The following TRIOBP variants were observed in gnomAD, a reference collection of about 807,000 sequenced individuals.
TRIOBP encodes the protein TRIO and F-actin-binding protein.
Under a neutral mutation model 238.8 loss-of-function variants are expected in TRIOBP, and 169 were observed. That is an observed-to-expected ratio of 0.71 (90% CI 0.62 to 0.80). The LOEUF (loss-of-function observed/expected upper bound fraction) is 0.80. Among genes scored for constraint, TRIOBP ranks in the 30% least tolerant of loss-of-function variants. The pLI is 0.00. For synonymous variants in TRIOBP, 1,150 were observed against 1,274.4 expected (o/e 0.90, Z 2.08); for missense variants, 2,838 against 3,122.6 (o/e 0.91, Z 2.17).
rs1306020818 is a variant in TRIOBP at position 37,725,121 on chromosome 22, GTCCTTT to G, written c.2572_2577del (p.Ser858_Phe859del). The G allele has an allele frequency of 6.2e-7, 1 of 1,613,956 alleles. No individual in the cohort carries two copies. The highest frequency in any genetic ancestry group is 1.3e-5 in the African/African-American group (1 of 74,866). ...CTTGTACACAGCGGGACCGCACACA[GTCCTTT>G]TCCTTTCAACGAGACAACCCTGGAA... On this transcript the variant is annotated inframe_deletion, in exon 7 of 24. Transcript: ENST00000644935.
intron 9 of TRIOBP, among the ~76,000 whole-genome samples, chr22:37,736,895 G>A (rs1036762486): frequency 6.6e-6 from 1 of 152,202 alleles, no homozygotes; most frequent in African/African-American, 2.4e-5. Context: ...CCAAAGTGCC[G>A]GGATTACAGG....
intron 7 of TRIOBP, among the ~76,000 whole-genome samples, chr22:37,732,123 G>C (rs1924452365): frequency 6.6e-6 from 1 of 152,214 alleles, no homozygotes; most frequent in Non-Finnish European, 1.5e-5. Context: ...AAACATTCAT[G>C]GAGTGGTTGG....
chr22:37,743,545 C>A (rs903985162), intron 11 of TRIOBP, among the ~76,000 whole-genome samples: 1 of 152,168 alleles, frequency 6.6e-6, no homozygotes, highest in Admixed American at 6.5e-5. Flanking sequence ...AGGCCCTAGG[C>A]TGGTTTCCAA....
At chr22:37,770,244 T>C (rs1926699582) in intron 21 of TRIOBP, among the ~76,000 whole-genome samples, 2 of 147,794 alleles carry the variant, frequency 1.4e-5, no homozygotes. Flanking sequence ...AAGACCATCC[T>C]GGCTAACACA....
At chr22:37,700,312 G>A (rs971780407) in intron 2 of TRIOBP, among the ~76,000 whole-genome samples, 2 of 149,820 alleles carry the variant, frequency 1.3e-5, no homozygotes, top group African/African-American at 2.5e-5. Context: ...TGTTGCCTAG[G>A]CTGGAGTGCT....
At chr22:37,756,835 A>G (rs539735259) in intron 15 of TRIOBP, among the ~76,000 whole-genome samples, 2 of 152,360 alleles carry the variant, frequency 1.3e-5, no homozygotes, top group African/African-American at 4.8e-5. Flanking sequence ...AGTCTCTGCA[A>G]CTTGTGTTCT....
At chr22:37,700,050 T>C (rs1922564980) in intron 2 of TRIOBP, among the ~76,000 whole-genome samples, 1 of 151,678 alleles carries the variant, frequency 6.6e-6, no homozygotes, top group East Asian at 2.0e-4. Flanking sequence ...AGCTAATTTT[T>C]GTATTTAGTA....
In TRIOBP at chr22:37,734,560, G is replaced by T; in HGVS notation, c.4224G>T (p.Arg1408=). The change falls in exon 9 of 24, where the codon CGG becomes CGT. Residue 1408 remains arginine (R), a synonymous_variant. Coordinates refer to ENST00000644935, the MANE Select transcript of TRIOBP (RefSeq NM_001039141.3). The part of the protein sequence containing the change: ...TSARTPEREL[R]TQRPLESGQA... ...CCAGGACCCCTGAGAGGGAGCTGCG[G>T]ACACAGAGACCTCTGGAGAGTGGCC... 1 of 1,589,040 alleles carries T rather than the reference G, an allele frequency of 6.3e-7. No homozygotes were observed. The highest frequency in any genetic ancestry group is 8.6e-7 in the Non-Finnish European group (1 of 1,168,006).
intron 3 of TRIOBP, among the ~76,000 whole-genome samples, chr22:37,707,998 G>A (rs1158792225): frequency 6.7e-6 from 1 of 150,264 alleles, no homozygotes; most frequent in African/African-American, 2.5e-5. Flanking sequence ...TGTAATCCCA[G>A]CACTTTGGGA....
chr22:37,708,959 C>T (rs569857903), intron 3 of TRIOBP, among the ~76,000 whole-genome samples: 104 of 152,266 alleles, frequency 6.8e-4, no homozygotes, highest in African/African-American at 2.0e-3. Flanking sequence ...CTGGGCCTGG[C>T]GGGGCAGAGA....
chr22:37,762,946 G>C (rs1163709601), intron 17 of TRIOBP, among the ~76,000 whole-genome samples: 1 of 152,142 alleles, frequency 6.6e-6, no homozygotes, highest in Non-Finnish European at 1.5e-5. Flanking sequence ...TTGCAGTGGG[G>C]ACAGAGGCAT....
intron 17 of TRIOBP, among the ~76,000 whole-genome samples, chr22:37,760,913 A>G (rs559485647): frequency 6.6e-6 from 1 of 151,720 alleles, no homozygotes; most frequent in East Asian, 1.9e-4. Flanking sequence ...CGCAGGTTGC[A>G]GTGAGCCGAG....
At position 37,769,148 on chromosome 22, in the gene TRIOBP, C is replaced by T; in HGVS notation, c.6696C>T (p.Arg2232=). The T allele has an allele frequency of 6.2e-7, 1 of 1,612,106 alleles. No individual in the cohort carries two copies. Among genetic ancestry groups the T allele is most frequent in the Non-Finnish European group, 8.5e-7 (1 of 1,179,520 alleles). The change falls in exon 20 of 24, where the codon CGC becomes CGT. Residue 2232 remains arginine, a synonymous_variant. Transcript: ENST00000644935. ...QAEEREHTLR[R]CQQEGQELLR... ...AGGAGCGCGAGCACACGCTGCGCCG[C>T]TGCCAGCAGGAGGGCCAGGAGCTGC...
In TRIOBP at chr22:37,734,689, G is replaced by A. The variant is rs1924578941; in HGVS notation, c.4353G>A (p.Glu1451=). Residue 1451 remains glutamate, a synonymous_variant, in exon 9 of 24, where the codon GAG becomes GAA. Coordinates refer to ENST00000644935, the MANE Select transcript of TRIOBP (RefSeq NM_001039141.3). ...RHLERSWSSQ[E]GGLGPGGWWG... is the part of the protein sequence containing the mutation. ...TAGAAAGGAGCTGGAGCAGCCAGGA[G>A]GGAGGCCTGGGCCCTGGGGGCTGGT... 1.2e-6 allele frequency: 2 copies of A among 1,605,576 alleles called. No homozygotes were observed. Among genetic ancestry groups the A allele is most frequent in the Admixed American group, 1.7e-5 (1 of 58,470 alleles).
At chr22:37,702,410 G>T (rs1004281039) in intron 3 of TRIOBP, among the ~76,000 whole-genome samples, 1 of 151,676 alleles carries the variant, frequency 6.6e-6, no homozygotes, top group East Asian at 2.0e-4. Flanking sequence ...CGCCATATTG[G>T]CCAGGCTGGT....
chr22:37,751,364 T>C, intron 11 of TRIOBP: 1 of 338,492 alleles, frequency 3.0e-6, no homozygotes, highest in South Asian at 2.4e-5. Context: ...TTGGTCCTCG[T>C]CAGAGGGAGG....
At chr22:37,750,415 C>G (rs779144672) in intron 11 of TRIOBP, among the ~76,000 whole-genome samples, 1 of 152,208 alleles carries the variant, frequency 6.6e-6, no homozygotes, top group Non-Finnish European at 1.5e-5. Flanking sequence ...TTTTCCTGAG[C>G]CTTGCTGTGG....
intron 11 of TRIOBP, among the ~76,000 whole-genome samples, chr22:37,750,152 CAGAG>C (rs200857041): frequency 0.014 from 2,121 of 152,286 alleles, 18 homozygotes; most frequent in Non-Finnish European, 0.024. Context: ...AGCCAGGACT[CAGAG>C]AGGGGATGTG....
At chr22:37,756,570 A>T (rs528583712) in intron 15 of TRIOBP, among the ~76,000 whole-genome samples, 4 of 152,316 alleles carry the variant, frequency 2.6e-5, no homozygotes, top group South Asian at 4.1e-4. Context: ...AGCTGCTTTA[A>T]GAAAGAAACC....
Sources: allele counts gnomAD v4.1 joint callset (sites outside exome capture counted in the v4.1 genomes callset), GRCh38; gene constraint gnomAD v4.1.1; transcripts MANE v1.5; gene names NCBI Gene and HGNC (gene_info 2026-07-23, HGNC 2026-07-21).